DECR1: variants seen among roughly 807,000 people sequenced by gnomAD.
DECR1 encodes 2,4-dienoyl-CoA reductase 1.
Under a neutral mutation model 38.8 loss-of-function variants are expected in DECR1, and 44 were observed. The ratio of observed to expected loss-of-function variants is 1.13; its 90% CI spans 0.89 to 1.46. The LOEUF (loss-of-function observed/expected upper bound fraction) is 1.46, where lower values mean the gene tolerates loss of function less well. Among genes scored for constraint, DECR1 ranks in the 40% most tolerant of loss-of-function variants. DECR1 has a pLI of 0.00. For synonymous variants in DECR1, 148 were observed against 135.2 expected, an observed-to-expected ratio of 1.09 and a Z score of -0.66; for missense variants, 428 against 405.5, an observed-to-expected ratio of 1.06 and a Z score of -0.48.
chr8:90,015,598 A>G, intron 1 of DECR1: 1 of 456,032 alleles, frequency 2.2e-6, no homozygotes, highest in Non-Finnish European at 4.4e-6. Context: ...TCCTGAGGAT[A>G]AATTTCAAGA....
chr8:90,006,083 C>T (rs1258200015), intron 1 of DECR1: 11 of 641,796 alleles, frequency 1.7e-5, no homozygotes, highest in Middle Eastern at 5.0e-4. Context: ...CACCATAACC[C>T]AGGCACCTCC....
At chr8:90,026,476 A>G (rs1463311325) in intron 5 of DECR1, among the ~76,000 whole-genome samples, 3 of 152,170 alleles carry the variant, frequency 2.0e-5, no homozygotes, top group Admixed American at 6.5e-5. Flanking sequence ...CCAGGAATGT[A>G]TCCATTTCTT....
chr8:90,045,646 G>C (rs576108614), intron 8 of DECR1, among the ~76,000 whole-genome samples: 2 of 152,332 alleles, frequency 1.3e-5, no homozygotes, highest in South Asian at 4.1e-4. Flanking sequence ...AACTTCTGCA[G>C]ACTTAAATGT....
At chr8:90,014,930 C>T (rs1158321119) in intron 1 of DECR1, among the ~76,000 whole-genome samples, 1 of 152,094 alleles carries the variant, frequency 6.6e-6, no homozygotes, top group Non-Finnish European at 1.5e-5. Flanking sequence ...TGTAGAGTTG[C>T]TTGGATTACT....
At position 90,017,327 on chromosome 8, in the gene DECR1, G is replaced by T. The variant is rs1813033775; in HGVS notation, c.272+1G>T. The T allele has an allele frequency of 6.2e-7, 1 of 1,613,084 alleles. No homozygotes were observed. The highest frequency in any genetic ancestry group is 8.5e-7 in the Non-Finnish European group (1 of 1,179,510). Reference sequence around the variant, plus strand: ...GTGCTCAGTGCGTGATAGCCAGCCGGTAAGTCCCTTACATCAAGCCTATTG... The same window carrying T: ...GTGCTCAGTGCGTGATAGCCAGCCGTTAAGTCCCTTACATCAAGCCTATTG... On this transcript the variant is annotated splice_donor_variant, in intron 2 of 9. Coordinates refer to ENST00000220764, the MANE Select transcript of DECR1 (RefSeq NM_001359.2). LOFTEE classifies it high-confidence loss of function.
chr8:90,040,321 C>G (rs1275303555), intron 6 of DECR1, among the ~76,000 whole-genome samples: 3 of 152,096 alleles, frequency 2.0e-5, no homozygotes, highest in African/African-American at 7.2e-5. Flanking sequence ...TACAGCCCAC[C>G]CATTTCTCTA....
At chr8:90,024,473 G>C (rs1204214246) in intron 5 of DECR1, among the ~76,000 whole-genome samples, 1 of 152,188 alleles carries the variant, frequency 6.6e-6, no homozygotes, top group Non-Finnish European at 1.5e-5. Flanking sequence ...GGCCAGTGAT[G>C]ATGAGCATTT....
intron 1 of DECR1, among the ~76,000 whole-genome samples, chr8:90,009,034 G>T (rs1812815924): frequency 6.6e-6 from 1 of 152,160 alleles, no homozygotes; most frequent in Non-Finnish European, 1.5e-5. Context: ...ACTTAAGGCA[G>T]ATCATGTCCA....
intron 1 of DECR1, among the ~76,000 whole-genome samples, chr8:90,008,909 T>C (rs1007565928): frequency 6.6e-6 from 1 of 152,202 alleles, no homozygotes; most frequent in Non-Finnish European, 1.5e-5. Flanking sequence ...CATGATAGCA[T>C]CCTGGGCTAA....
intron 5 of DECR1, among the ~76,000 whole-genome samples, chr8:90,029,020 A>G (rs1183172022): frequency 6.6e-6 from 1 of 152,152 alleles, no homozygotes; most frequent in Admixed American, 6.6e-5. Context: ...TATTACTATT[A>G]AAATCGACAA....
intron 3 of DECR1, 37 bp downstream of exon 3, chr8:90,019,003 A>C (rs376164923): frequency 1.1e-5 from 18 of 1,575,498 alleles, no homozygotes; most frequent in Non-Finnish European, 1.6e-5. Context: ...TAGATTTAGG[A>C]ATTATAACAT....
chr8:90,027,093 G>T (rs1813366029), intron 5 of DECR1, among the ~76,000 whole-genome samples: 1 of 152,176 alleles, frequency 6.6e-6, no homozygotes, highest in South Asian at 2.1e-4. Flanking sequence ...GAGACAGTTT[G>T]TTATAATTTC....
chr8:90,030,853 G>A (rs917396302), intron 5 of DECR1, among the ~76,000 whole-genome samples: 1 of 152,048 alleles, frequency 6.6e-6, no homozygotes, highest in Non-Finnish European at 1.5e-5. Context: ...ATTTATTAAG[G>A]TGGTATTAGT....
At chr8:90,017,060 T>TA (rs1326070503) in intron 1 of DECR1, 64 bp from the exon 2 acceptor site, 1 of 1,180,768 alleles carries the variant, frequency 8.5e-7, no homozygotes, top group African/African-American at 1.5e-5. Context: ...GAGCATGTTT[T>TA]AAAAAATTCA....
intron 5 of DECR1, among the ~76,000 whole-genome samples, chr8:90,024,915 G>C (rs539584302): frequency 3.3e-5 from 5 of 152,180 alleles, no homozygotes; most frequent in African/African-American, 1.2e-4. Context: ...AAAAGGAAGG[G>C]ATCCAGTTTC....
chr8:90,040,900 T>G (rs1813745477), intron 6 of DECR1, among the ~76,000 whole-genome samples: 1 of 152,210 alleles, frequency 6.6e-6, no homozygotes, highest in African/African-American at 2.4e-5. Context: ...TGGTTCTAAG[T>G]CTTTGCTATT....
At chr8:90,032,245 C>T (rs532881987) in intron 5 of DECR1, among the ~76,000 whole-genome samples, 1 of 152,186 alleles carries the variant, frequency 6.6e-6, no homozygotes, top group African/African-American at 2.4e-5. Context: ...TTACTGTCAG[C>T]TTAGGGCCAC....
chr8:90,007,829 T>A (rs1346223052), intron 1 of DECR1, among the ~76,000 whole-genome samples: 1 of 152,180 alleles, frequency 6.6e-6, no homozygotes, highest in African/African-American at 2.4e-5. Context: ...TAGAAAATGA[T>A]CAGCATTCTC....
At chr8:90,045,941 G>T (rs1188238867) in intron 8 of DECR1, among the ~76,000 whole-genome samples, 5 of 152,206 alleles carry the variant, frequency 3.3e-5, no homozygotes, top group African/African-American at 9.6e-5. Flanking sequence ...TGGACGTCCA[G>T]CAAACTCCAA....
Sources: allele counts gnomAD v4.1 joint callset (sites outside exome capture counted in the v4.1 genomes callset), GRCh38; gene constraint gnomAD v4.1.1; transcripts MANE v1.5; gene names NCBI Gene and HGNC (gene_info 2026-07-23, HGNC 2026-07-21).